Variants in SNRK observed in about 807,000 individuals in gnomAD.
SNRK encodes the protein SNF-related serine/threonine-protein kinase.
Under a neutral mutation model 48.2 loss-of-function variants are expected in SNRK, and 3 were observed. The observed-to-expected ratio is 0.06, with a 90% confidence interval of 0.03 to 0.16. The LOEUF is 0.16. Among genes scored for constraint, SNRK ranks in the 10% least tolerant of loss-of-function variants. The pLI, the probability that SNRK is intolerant of heterozygous loss-of-function variation, is 1.00. For missense variants in SNRK, 627 were observed against 976.0 expected (o/e 0.64, Z 4.76); for synonymous variants, 376 against 366.1 (o/e 1.03, Z -0.31).
chr3:43,317,991 C>T (rs1254683320), intron 3 of SNRK, among the ~76,000 whole-genome samples: 1 of 152,226 alleles, frequency 6.6e-6, no homozygotes, highest in Non-Finnish European at 1.5e-5. Context: ...ATGTCACTGT[C>T]TCAGTGCTGC....
At chr3:43,308,076 C>G (rs2090952193) in intron 3 of SNRK, among the ~76,000 whole-genome samples, 1 of 152,180 alleles carries the variant, frequency 6.6e-6, no homozygotes, top group East Asian at 1.9e-4. Flanking sequence ...TAAGCCAAAA[C>G]CTAATCCAGA....
At chr3:43,298,767 T>C (rs2090876764) in intron 1 of SNRK, among the ~76,000 whole-genome samples, 1 of 152,268 alleles carries the variant, frequency 6.6e-6, no homozygotes, top group African/African-American at 2.4e-5. Flanking sequence ...CAGTATTCCC[T>C]CATTGTGCCA....
intron 2 of SNRK, among the ~76,000 whole-genome samples, chr3:43,302,573 T>C (rs919992278): frequency 6.6e-6 from 1 of 151,778 alleles, no homozygotes; most frequent in African/African-American, 2.4e-5. Flanking sequence ...CCCAAGGTGC[T>C]CTGGGGATAT....
At chr3:43,344,781 A>G (rs2091262945) in intron 6 of SNRK, among the ~76,000 whole-genome samples, 1 of 152,174 alleles carries the variant, frequency 6.6e-6, no homozygotes, top group Admixed American at 6.5e-5. Context: ...GTTACGGTCA[A>G]CCTAGTCCTG....
At position 43,330,118 on chromosome 3, in the gene SNRK, T is replaced by C. The variant is rs1192256900; in HGVS notation, c.590-2051T>C. Among the ~76,000 whole-genome samples, 3 of 152,194 alleles carry C rather than the reference T, an allele frequency of 2.0e-5. No homozygotes were observed. In the East Asian group the frequency reaches 5.8e-4, roughly 29 times the overall value. Reference sequence around the variant, plus strand: ...GAATTTATTGTATTTCAAATACATATGTATTAGTGGTTAGGTATGATTATA... The same window carrying C: ...GAATTTATTGTATTTCAAATACATACGTATTAGTGGTTAGGTATGATTATA... On this transcript the variant is annotated intron_variant, in intron 3 of 6. Coordinates refer to ENST00000296088, the MANE Select transcript of SNRK (RefSeq NM_017719.5).
chr3:43,302,478 A>G (rs1023935992), intron 2 of SNRK, among the ~76,000 whole-genome samples: 1 of 152,108 alleles, frequency 6.6e-6, no homozygotes, highest in Non-Finnish European at 1.5e-5. Flanking sequence ...TAGAATAGAA[A>G]ATCCCTGAGA....
chr3:43,336,218 C>A (rs1346534399), intron 4 of SNRK, among the ~76,000 whole-genome samples: 1 of 149,412 alleles, frequency 6.7e-6, no homozygotes, highest in Non-Finnish European at 1.5e-5. Flanking sequence ...TTCCCTCCCT[C>A]CCTTTCCTTC....
At position 43,349,344 on chromosome 3, in the gene SNRK, CAG is replaced by C. The variant is rs1017479365; in HGVS notation, c.*789_*790del. On this transcript the variant is annotated 3_prime_UTR_variant, in exon 7 of 7. Coordinates refer to ENST00000296088, the MANE Select transcript of SNRK (RefSeq NM_017719.5). ...ACTTAGAGAGTGTATGTCTGTCTAA[CAG>C]AACAAAAAGATGCTCTGTGTAAATT... 1 of 152,630 alleles carries C rather than the reference CAG, an allele frequency of 6.6e-6. No individual in the cohort carries two copies. The highest frequency in any genetic ancestry group is 2.4e-5 in the African/African-American group (1 of 41,444). The allele number at this position is 152,630 out of a possible 1,614,324, so 9.5% of individuals were successfully genotyped here.
intron 3 of SNRK, among the ~76,000 whole-genome samples, chr3:43,312,758 A>C (rs2090987735): frequency 6.6e-6 from 1 of 152,214 alleles, no homozygotes; most frequent in African/African-American, 2.4e-5. Context: ...AATATCACAG[A>C]ATATTAGATC....
In SNRK at chr3:43,340,434, G is replaced by A. The variant is rs974304280; in HGVS notation, c.879G>A (p.Glu293=). 2 of 1,614,196 alleles carry A rather than the reference G, an allele frequency of 1.2e-6. No individual in the cohort carries two copies. The highest frequency in any genetic ancestry group is 2.7e-5 in the African/African-American group (2 of 75,046). ...PLVSYKNLSE[E]EHNSIIQRMV... ...TGTCATACAAAAATCTCTCGGAAGA[G>A]GAGCACAACAGCATCATTCAGCGCA... Residue 293 remains glutamate, a synonymous_variant, in exon 5 of 7, where the codon GAG becomes GAA. Transcript: ENST00000296088.
chr3:43,301,709 C>G (rs991497873), intron 2 of SNRK, among the ~76,000 whole-genome samples: 1 of 152,112 alleles, frequency 6.6e-6, no homozygotes, highest in African/African-American at 2.4e-5. Context: ...AATTAATGCT[C>G]TTAATATGTA....
At chr3:43,291,067 C>T (rs2090808443) in intron 1 of SNRK, among the ~76,000 whole-genome samples, 1 of 152,142 alleles carries the variant, frequency 6.6e-6, no homozygotes, top group African/African-American at 2.4e-5. Context: ...GGAAGTCGTC[C>T]TTTAAGCTGG....
At chr3:43,332,775 C>CT in intron 4 of SNRK, 1 of 152,430 alleles carries the variant, frequency 6.6e-6, no homozygotes, top group South Asian at 2.1e-4. Flanking sequence ...TCATAATTTT[C>CT]TTCACACACC....
Position 43,303,864 on chromosome 3 carries a change from C to A in SNRK, c.589+72C>A. ...AGAGTTGGTCAGATCGGTTGTTTAT[C>A]TAAAAATGATTTCTAGAGAATTTCT... On this transcript the variant is annotated intron_variant, in intron 3 of 6. Coordinates refer to ENST00000296088, the MANE Select transcript of SNRK (RefSeq NM_017719.5). This position sits in a 1 kb window ranked among gnomAD's most constrained non-coding sequence, Gnocchi z 6.2. 1.8e-6 allele frequency: 2 copies of A among 1,106,504 alleles called. No homozygotes were observed. The highest frequency in any genetic ancestry group is 1.6e-5 in the South Asian group (1 of 63,666). The allele number at this position is 1,106,504 out of a possible 1,614,324, so 68.5% of individuals were successfully genotyped here.
chr3:43,325,503 C>G (rs993425373), intron 3 of SNRK, among the ~76,000 whole-genome samples: 1 of 152,062 alleles, frequency 6.6e-6, no homozygotes, highest in African/African-American at 2.4e-5. Flanking sequence ...AAGAAAACAT[C>G]AAAATACTCC....
intron 3 of SNRK, among the ~76,000 whole-genome samples, chr3:43,317,739 CT>C (rs1421653340): frequency 1.3e-5 from 2 of 152,172 alleles, no homozygotes. Flanking sequence ...ACTCTTGCCC[CT>C]GATTTTCTTG....
chr3:43,340,630 T>C, intron 5 of SNRK, 131 bp downstream of exon 5: 3 of 816,366 alleles, frequency 3.7e-6, no homozygotes, highest in Non-Finnish European at 5.7e-6. Context: ...TTGTGTCATT[T>C]ATCTCTAAAG....
At chr3:43,325,236 G>A in intron 3 of SNRK, among the ~76,000 whole-genome samples, 1 of 152,200 alleles carries the variant, frequency 6.6e-6, no homozygotes. Context: ...CGCTGTCTTG[G>A]CTCACTGCAA....
chr3:43,291,829 G>A (rs2090814682), intron 1 of SNRK, among the ~76,000 whole-genome samples: 1 of 152,220 alleles, frequency 6.6e-6, no homozygotes, highest in African/African-American at 2.4e-5. Context: ...ACTTTGAAAT[G>A]TGGAATCTTA....
Sources: gnomAD v4.1 joint callset for allele counts (sites outside exome capture counted in the v4.1 genomes callset) on GRCh38, gnomAD v4.1.1 for gene constraint, Gnocchi (gnomAD v3.1) non-coding constraint, MANE v1.5 for transcripts, NCBI Gene and HGNC (gene_info 2026-07-23, HGNC 2026-07-21) for gene names.